The following ABTB3 variants were observed in gnomAD, a reference collection of about 807,000 sequenced individuals.
The protein encoded by ABTB3 is ankyrin repeat and BTB domain containing 3.
the ABTB3 span, among the ~76,000 whole-genome samples, chr12:107,401,950 G>T: frequency 1.4e-3 from 168 of 121,618 alleles, 1 homozygote; most frequent in African/African-American, 5.0e-3. Flanking sequence ...CTCCTGCCTT[G>T]CTTCCCTACC....
At chr12:107,514,615 T>C in the ABTB3 span, among the ~76,000 whole-genome samples, 2 of 152,276 alleles carry the variant, frequency 1.3e-5, no homozygotes, top group Admixed American at 1.3e-4. Context: ...TAAAACATGA[T>C]GCTAGGACCT....
the ABTB3 span, among the ~76,000 whole-genome samples, chr12:107,327,559 A>C: frequency 6.6e-6 from 1 of 152,040 alleles, no homozygotes; most frequent in Non-Finnish European, 1.5e-5. Context: ...TATTACCATT[A>C]TTTTTTCCAG....
the ABTB3 span, among the ~76,000 whole-genome samples, chr12:107,584,363 T>C: frequency 6.6e-6 from 1 of 152,158 alleles, no homozygotes; most frequent in Non-Finnish European, 1.5e-5. Flanking sequence ...TGAGGCCCAT[T>C]GAGGTTATGG....
the ABTB3 span, among the ~76,000 whole-genome samples, chr12:107,551,715 CAGA>C: frequency 6.6e-6 from 1 of 151,810 alleles, no homozygotes; most frequent in East Asian, 1.9e-4. Flanking sequence ...TGGCCCTTCC[CAGA>C]AGAAGTTTGC....
At chr12:107,562,359 T>G in the ABTB3 span, among the ~76,000 whole-genome samples, 5 of 152,228 alleles carry the variant, frequency 3.3e-5, no homozygotes, top group Non-Finnish European at 7.3e-5. Context: ...AGAAGTTTTC[T>G]CTAAGGAGAC....
the ABTB3 span, among the ~76,000 whole-genome samples, chr12:107,614,079 C>T: frequency 6.6e-6 from 1 of 152,124 alleles, no homozygotes; most frequent in Non-Finnish European, 1.5e-5. Flanking sequence ...TCCCACGGAT[C>T]TCAGCTCAGG....
the ABTB3 span, among the ~76,000 whole-genome samples, chr12:107,593,055 A>G: frequency 6.6e-6 from 1 of 152,242 alleles, no homozygotes; most frequent in Non-Finnish European, 1.5e-5. Context: ...TTAAAATTAA[A>G]TAAGCTTTAA....
At chr12:107,319,890 C>G in the ABTB3 span, 3 of 1,339,074 alleles carry the variant, frequency 2.2e-6, no homozygotes, top group Non-Finnish European at 2.9e-6. Context: ...TGCGCCCCGC[C>G]GGCCGCCGCG....
chr12:107,632,278 C>T, the ABTB3 span, among the ~76,000 whole-genome samples: 335 of 152,258 alleles, frequency 2.2e-3, 1 homozygote, highest in Non-Finnish European at 4.1e-3. Flanking sequence ...GTACATGCCT[C>T]TCTCAAGGGC....
At chr12:107,468,119 C>T in the ABTB3 span, among the ~76,000 whole-genome samples, 3 of 152,206 alleles carry the variant, frequency 2.0e-5, no homozygotes, top group South Asian at 2.1e-4. Context: ...TTTTAGCTCA[C>T]GAGCTGAGGT....
the ABTB3 span, among the ~76,000 whole-genome samples, chr12:107,416,207 G>C: frequency 2.0e-5 from 3 of 152,300 alleles, no homozygotes; most frequent in African/African-American, 7.2e-5. Context: ...GGAGAAAGGA[G>C]GCTCTTCCAT....
At chr12:107,438,339 T>G in the ABTB3 span, among the ~76,000 whole-genome samples, 1 of 152,188 alleles carries the variant, frequency 6.6e-6, no homozygotes, top group African/African-American at 2.4e-5. Context: ...TTGCAAGTCA[T>G]GCGTTTTCAG....
chr12:107,414,081 C>T, the ABTB3 span, among the ~76,000 whole-genome samples: 2 of 152,114 alleles, frequency 1.3e-5, no homozygotes, highest in Non-Finnish European at 2.9e-5. Context: ...GTGGTGAGGA[C>T]AGGCAATGTG....
At chr12:107,345,421 G>T in the ABTB3 span, among the ~76,000 whole-genome samples, 1 of 151,964 alleles carries the variant, frequency 6.6e-6, no homozygotes, top group African/African-American at 2.4e-5. Context: ...TTTTTCTTTG[G>T]ATAAAATGGG....
At chr12:107,489,795 C>G in the ABTB3 span, among the ~76,000 whole-genome samples, 1 of 151,928 alleles carries the variant, frequency 6.6e-6, no homozygotes, top group African/African-American at 2.4e-5. Context: ...CAGGGTCTTG[C>G]TCTGTCAGTC....
chr12:107,513,415 A>G, the ABTB3 span, among the ~76,000 whole-genome samples: 1 of 152,102 alleles, frequency 6.6e-6, no homozygotes, highest in South Asian at 2.1e-4. Flanking sequence ...GTTCTCCTGA[A>G]AGTGAGTGAG....
chr12:107,340,186 T>G, the ABTB3 span, among the ~76,000 whole-genome samples: 1 of 152,232 alleles, frequency 6.6e-6, no homozygotes. Flanking sequence ...AGTTTTCTTT[T>G]CATGTGTTGG....
the ABTB3 span, among the ~76,000 whole-genome samples, chr12:107,596,420 C>G: frequency 6.6e-6 from 1 of 152,160 alleles, no homozygotes; most frequent in African/African-American, 2.4e-5. Flanking sequence ...CAAGACCAGC[C>G]TGGCCAACAT....
At chr12:107,320,587 C>T in the ABTB3 span, 1 of 456,106 alleles carries the variant, frequency 2.2e-6, no homozygotes, top group Non-Finnish European at 4.4e-6. Flanking sequence ...GCCTGGCGGC[C>T]GTACCGGCTG....
Sources: gnomAD v4.1 joint callset for allele counts (sites outside exome capture counted in the v4.1 genomes callset) on GRCh38, gnomAD v4.1.1 for gene constraint, MANE v1.5 for transcripts, NCBI Gene and HGNC (gene_info 2026-07-23, HGNC 2026-07-21) for gene names.